RNF13: variants seen among roughly 807,000 people sequenced by gnomAD.
RNF13 encodes E3 ubiquitin-protein ligase RNF13.
A neutral mutation model predicts 37.7 loss-of-function variants in RNF13; 19 were observed. That is an observed-to-expected ratio of 0.50 (90% CI 0.35 to 0.74). RNF13 has a LOEUF of 0.74. Among genes scored for constraint, RNF13 ranks in the 30% least tolerant of loss-of-function variants. The pLI is 0.01. For synonymous variants in RNF13, 144 were observed against 157.8 expected (o/e 0.91, Z 0.65); for missense variants, 375 against 453.0 (o/e 0.83, Z 1.56).
At chr3:149,877,472 C>CTTTTTTTTTTTTTTTTTTTTTTT (rs369676407) in intron 4 of RNF13, among the ~76,000 whole-genome samples, 3 of 101,484 alleles carry the variant, frequency 3.0e-5, no homozygotes, top group South Asian at 3.3e-4. Flanking sequence ...TTCTTTCTGT[C>CTTTTTTTTTTTTTTTTTTTTTTT]TTTTTTTTTT....
chr3:149,923,973 CAGAG>C (rs911352742), intron 8 of RNF13, among the ~76,000 whole-genome samples: 5 of 151,990 alleles, frequency 3.3e-5, no homozygotes, highest in Non-Finnish European at 4.4e-5. Context: ...AGGGTATAAA[CAGAG>C]AGAACAGACA....
chr3:149,893,028 A>T (rs548518392), intron 4 of RNF13, among the ~76,000 whole-genome samples: 4 of 152,232 alleles, frequency 2.6e-5, no homozygotes, highest in Non-Finnish European at 5.9e-5. Context: ...AGCCAGTTCT[A>T]CACAGGGTCA....
At chr3:149,938,892 A>G in intron 8 of RNF13, 1 of 349,824 alleles carries the variant, frequency 2.9e-6, no homozygotes, top group South Asian at 2.9e-5. Flanking sequence ...CACAGTAGGG[A>G]AAGTTCTCAC....
At chr3:149,903,937 A>G (rs6784886) in intron 6 of RNF13, among the ~76,000 whole-genome samples, 4,332 of 148,464 alleles carry the variant, frequency 0.029, 82 homozygotes, top group Non-Finnish European at 0.036. Flanking sequence ...ATATCTGTCT[A>G]TCTGTCTGTC....
At chr3:149,883,514 G>A (rs1381554440) in intron 4 of RNF13, among the ~76,000 whole-genome samples, 2 of 151,866 alleles carry the variant, frequency 1.3e-5, no homozygotes, top group Non-Finnish European at 2.9e-5. Context: ...ATAATTTTAT[G>A]TCTTTATATT....
At chr3:149,888,840 G>A (rs183115555) in intron 4 of RNF13, among the ~76,000 whole-genome samples, 6 of 152,234 alleles carry the variant, frequency 3.9e-5, no homozygotes, top group East Asian at 1.9e-4. Context: ...ACTTAACTTC[G>A]TTCATATATA....
At chr3:149,835,621 C>T (rs905852087) in intron 1 of RNF13, among the ~76,000 whole-genome samples, 42 of 135,800 alleles carry the variant, frequency 3.1e-4, no homozygotes, top group East Asian at 1.1e-3. Flanking sequence ...TTTATGGCTG[C>T]GTAGTATTCC....
intron 1 of RNF13, chr3:149,817,470 T>G (rs1027635519): frequency 3.3e-5 from 5 of 152,210 alleles, no homozygotes; most frequent in African/African-American, 1.2e-4. Context: ...AAACATATGT[T>G]GAATGCTGAA....
chr3:149,894,853 C>T (rs964992627), intron 4 of RNF13, among the ~76,000 whole-genome samples: 6 of 151,864 alleles, frequency 4.0e-5, no homozygotes, highest in African/African-American at 7.3e-5. Context: ...TAAAGTGAGA[C>T]GTAATAACAT....
chr3:149,853,694 C>A (rs201499603), intron 3 of RNF13, among the ~76,000 whole-genome samples: 2 of 127,168 alleles, frequency 1.6e-5, no homozygotes, highest in African/African-American at 5.6e-5. Context: ...AAAAATTCTT[C>A]TTTTTCCTCT....
intron 6 of RNF13, among the ~76,000 whole-genome samples, chr3:149,908,212 T>C (rs1207322929): frequency 6.6e-6 from 1 of 152,198 alleles, no homozygotes; most frequent in Non-Finnish European, 1.5e-5. Context: ...CATACAACTT[T>C]TACAAGTTGT....
intron 8 of RNF13, among the ~76,000 whole-genome samples, chr3:149,926,913 CTT>C (rs1718710030): frequency 1.3e-5 from 2 of 152,258 alleles, no homozygotes; most frequent in South Asian, 4.1e-4. Flanking sequence ...ATGTTTAACA[CTT>C]TGCCTTTCCA....
chr3:149,813,910 A>G (rs1358435101), intron 1 of RNF13: 1 of 152,182 alleles, frequency 6.6e-6, no homozygotes, highest in Non-Finnish European at 1.5e-5. Flanking sequence ...CACTTATTAA[A>G]TAACTTTGTC....
At chr3:149,830,086 A>G (rs1345324682) in intron 1 of RNF13, among the ~76,000 whole-genome samples, 1 of 131,344 alleles carries the variant, frequency 7.6e-6, no homozygotes, top group Non-Finnish European at 1.6e-5. Flanking sequence ...TTTATAAATT[A>G]CCCAGTCTTG....
At chr3:149,840,537 A>C (rs562042428) in intron 1 of RNF13, among the ~76,000 whole-genome samples, 10 of 152,184 alleles carry the variant, frequency 6.6e-5, no homozygotes, top group Admixed American at 3.9e-4. Flanking sequence ...ATGGTTCTAA[A>C]ATATCCTCAG....
chr3:149,922,098 C>T (rs566661539), intron 8 of RNF13, among the ~76,000 whole-genome samples: 113 of 152,202 alleles, frequency 7.4e-4, no homozygotes, highest in South Asian at 5.4e-3. Flanking sequence ...CTCAGCCTTC[C>T]GAGTAGCTGG....
intron 4 of RNF13, among the ~76,000 whole-genome samples, chr3:149,889,180 C>G (rs1207100108): frequency 6.7e-6 from 1 of 148,780 alleles, no homozygotes; most frequent in East Asian, 2.1e-4. Flanking sequence ...CTCATGATCC[C>G]CCCGACTCAG....
chr3:149,917,779 C>T (rs1717694372), intron 7 of RNF13, among the ~76,000 whole-genome samples: 1 of 152,090 alleles, frequency 6.6e-6, no homozygotes, highest in Non-Finnish European at 1.5e-5. Flanking sequence ...GTAAACATTC[C>T]ATGTGTGTGA....
chr3:149,924,985 G>T (rs1046669731), intron 8 of RNF13, among the ~76,000 whole-genome samples: 3 of 152,182 alleles, frequency 2.0e-5, no homozygotes, highest in Non-Finnish European at 4.4e-5. Context: ...ATCACAGTAG[G>T]TGGGTATTTG....
Sources: allele counts gnomAD v4.1 joint callset (sites outside exome capture counted in the v4.1 genomes callset), GRCh38; gene constraint gnomAD v4.1.1; transcripts MANE v1.5; gene names NCBI Gene and HGNC (gene_info 2026-07-23, HGNC 2026-07-21).